POLR1B: variants seen among roughly 807,000 people sequenced by gnomAD.
POLR1B encodes the protein DNA-directed RNA polymerase I subunit RPA2.
A neutral mutation model predicts 105.8 loss-of-function variants in POLR1B; 30 were observed. The ratio of observed to expected loss-of-function variants is 0.28; its 90% CI spans 0.21 to 0.38. The LOEUF is 0.38. Ranked by LOEUF, POLR1B falls within the 10% of genes least tolerant of loss-of-function variation. The pLI is 1.00. For missense variants in POLR1B, 976 were observed against 1,435.8 expected (o/e 0.68, Z 5.17); for synonymous variants, 485 against 505.1 (o/e 0.96, Z 0.53).
chr2:112,550,357 C>T (rs924479376), intron 4 of POLR1B, among the ~76,000 whole-genome samples: 1 of 152,212 alleles, frequency 6.6e-6, no homozygotes, highest in Non-Finnish European at 1.5e-5. Context: ...AACAATTTGT[C>T]CTGATAGTTG....
intron 12 of POLR1B, among the ~76,000 whole-genome samples, chr2:112,569,103 G>A (rs564602924): frequency 6.6e-6 from 1 of 152,282 alleles, no homozygotes; most frequent in Non-Finnish European, 1.5e-5. Flanking sequence ...TTAGTTTCCT[G>A]TAATTTATGA....
At position 112,557,961 on chromosome 2, in the gene POLR1B, G is replaced by C; in HGVS notation, c.1210G>C (p.Ala404Pro). The C allele has an allele frequency of 2.1e-6, 3 of 1,413,202 alleles. No homozygotes were observed. The highest frequency in any genetic ancestry group is 2.8e-6 in the Non-Finnish European group (3 of 1,069,896). 87.5% of individuals were successfully genotyped at this position (1,413,202 alleles called of 1,614,324 possible). A position where few individuals can be genotyped will look rare whatever the true frequency, so the allele number is the denominator to read the frequency against. Residue 404 changes from alanine to proline, a missense_variant, in exon 8 of 15, where the codon GCT becomes CCT. Physicochemically the swap from Ala to Pro is conservative, Grantham distance 27 (BLOSUM62 -1). This residue lies in a region of POLR1B where 452 missense variants were observed against 616.5 expected (regional missense o/e 0.73). Coordinates refer to ENST00000263331, the MANE Select transcript of POLR1B (RefSeq NM_019014.6). ...VSIKIAFDKK[A>P]QKTSVSMNTD... ...TATTAAAATAGCTTTTGATAAGAAG[G>C]CTCAGAAGACCAGTGTTTCCATGAA...
intron 10 of POLR1B, 63 bp downstream of exon 10, chr2:112,564,562 G>A: frequency 1.2e-6 from 2 of 1,606,832 alleles, no homozygotes; most frequent in Admixed American, 3.3e-5. Flanking sequence ...TTCCTTTCTA[G>A]TTTTGGGGTT....
Position 112,572,517 on chromosome 2 carries a change from A to G in POLR1B, c.2075-45A>G, listed in dbSNP as rs766915012. On this transcript the variant is annotated intron_variant, in intron 12 of 14. Coordinates refer to ENST00000263331, the MANE Select transcript of POLR1B (RefSeq NM_019014.6). ...GTGTTGCGTATCACACCTATAATCAAGATGAAAGCAGCAGAAAATGCTAAG... is the reference window on the plus strand; with the variant it reads ...GTGTTGCGTATCACACCTATAATCAGGATGAAAGCAGCAGAAAATGCTAAG... 1.1e-5 allele frequency: 15 copies of G among 1,417,222 alleles called. No individual in the cohort carries two copies. The South Asian group carries it at 1.6e-4, about 15-fold the overall frequency. 87.8% of individuals were successfully genotyped at this position (1,417,222 alleles called of 1,614,324 possible).
At chr2:112,546,752 A>G (rs189116808) in intron 1 of POLR1B, among the ~76,000 whole-genome samples, 162 of 151,426 alleles carry the variant, frequency 1.1e-3, no homozygotes, top group Admixed American at 3.8e-3. Context: ...TTTAGTAGAG[A>G]TGGGGTTTCA....
chr2:112,552,345 T>C (rs1183279913), intron 6 of POLR1B, among the ~76,000 whole-genome samples: 1 of 152,244 alleles, frequency 6.6e-6, no homozygotes. Flanking sequence ...TTTTTCTTTC[T>C]GTACAATCCC....
At chr2:112,569,744 G>C (rs999524454) in intron 12 of POLR1B, among the ~76,000 whole-genome samples, 1 of 151,882 alleles carries the variant, frequency 6.6e-6, no homozygotes, top group African/African-American at 2.4e-5. Context: ...ATTTTTAGTA[G>C]AGACGGGGTT....
At chr2:112,543,354 T>C (rs971091665) in intron 1 of POLR1B, among the ~76,000 whole-genome samples, 2 of 130,814 alleles carry the variant, frequency 1.5e-5, no homozygotes, top group African/African-American at 5.9e-5. Context: ...GTGCTCCCTG[T>C]CGTGTTTGGG....
chr2:112,550,669 G>A, intron 4 of POLR1B, 197 bp from the exon 5 acceptor site: 1 of 592,692 alleles, frequency 1.7e-6, no homozygotes, highest in South Asian at 2.2e-5. Flanking sequence ...TTACATTAGT[G>A]TTTCTCAATC....
At position 112,576,431 on chromosome 2, in the gene POLR1B, A is replaced by G. The variant is rs1684860897; in HGVS notation, c.*702A>G. The G allele has an allele frequency of 2.0e-5, 3 of 152,242 alleles. No homozygotes were observed. The highest frequency in any genetic ancestry group is 2.0e-4 in the Admixed American group (3 of 15,284). The allele number at this position is 152,242 out of a possible 1,614,324, so 9.4% of individuals were successfully genotyped here. On this transcript the variant is annotated 3_prime_UTR_variant, in exon 15 of 15. Transcript: ENST00000263331. Reference sequence around the variant, plus strand: ...TTAAGTGCACGATATAGTATTGTTAATTCCAGGCACCATGTTGTACAACAG... The same window carrying G: ...TTAAGTGCACGATATAGTATTGTTAGTTCCAGGCACCATGTTGTACAACAG...
intron 7 of POLR1B, among the ~76,000 whole-genome samples, chr2:112,553,857 C>T (rs1172806384): frequency 6.6e-6 from 1 of 152,146 alleles, no homozygotes; most frequent in African/African-American, 2.4e-5. Context: ...TAGAACATAG[C>T]TACTGTGAGT....
chr2:112,578,258 G>C lies in POLR1B; in HGVS notation c.*2529G>C, dbSNP rs939605454. Among the ~76,000 whole-genome samples the C allele has an allele frequency of 6.6e-6, 1 of 151,558 alleles. No homozygotes were observed. The highest frequency in any genetic ancestry group is 1.5e-5 in the Non-Finnish European group (1 of 67,880). On this transcript the variant is annotated 3_prime_UTR_variant, in exon 15 of 15. Coordinates refer to ENST00000263331, the MANE Select transcript of POLR1B (RefSeq NM_019014.6). ...TCACCTGTGTAGATGGATGAAAACA[G>C]CAACATAAGCAAGATACAGAGCTGT...
chr2:112,542,188 G>A (rs1416587600), upstream of POLR1B: 1 of 1,535,744 alleles, frequency 6.5e-7, no homozygotes, highest in Non-Finnish European at 8.7e-7. Context: ...AACTGGGCGG[G>A]GAGCGGGTTT....
rs778604852 is a variant in POLR1B, at chr2:112,549,290, C to T, written c.516C>T (p.Ile172=). The change falls in exon 4 of 15, where the codon ATC becomes ATT. Residue 172 remains isoleucine (I), a synonymous_variant. Transcript: ENST00000263331. ...EAEEMGGYFI[I]NGIEKVIRML... ...AGGAAATGGGGGGCTATTTTATAAT[C>T]AATGGCATTGAAAAAGTCATCCGAA... 1 of 1,613,158 alleles carries T rather than the reference C, an allele frequency of 6.2e-7. No homozygotes were observed. Among genetic ancestry groups the T allele is most frequent in the South Asian group, 1.1e-5 (1 of 90,974 alleles).
At chr2:112,558,817 C>A (rs1473319735) in intron 8 of POLR1B, among the ~76,000 whole-genome samples, 3 of 151,636 alleles carry the variant, frequency 2.0e-5, no homozygotes, top group Non-Finnish European at 4.4e-5. Context: ...TGGGGTTTCG[C>A]TATGCTGCTG....
At chr2:112,558,773 A>C (rs13416022) in intron 8 of POLR1B, among the ~76,000 whole-genome samples, 120,970 of 151,886 alleles carry the variant, frequency 0.8, 48,402 homozygotes, top group Middle Eastern at 0.88. Flanking sequence ...CATAAGCCAC[A>C]ACACCTGGCT....
intron 10 of POLR1B, among the ~76,000 whole-genome samples, chr2:112,566,413 G>A (rs1684276167): frequency 1.3e-5 from 2 of 152,170 alleles, no homozygotes; most frequent in African/African-American, 4.8e-5. Context: ...GTTCTTTGCT[G>A]AGTTAATATT....
rs368128981 is a variant in POLR1B at position 112,545,050 on chromosome 2, CAG to C, written c.178-1959_178-1958del. On this transcript the variant is annotated intron_variant, in intron 1 of 14. Transcript: ENST00000263331. The stretch of plus-strand genomic sequence containing the variant: ...TTGTTTTAAGTTCTTAAACTATAAA[CAG>C]AGGTTGTCTTCACTATCTATTTAGT... Among the ~76,000 whole-genome samples, 396 of 152,270 alleles carry C rather than the reference CAG, an allele frequency of 2.6e-3. 1 individual carries two copies. The highest frequency in any genetic ancestry group is 9.1e-3 in the African/African-American group (380 of 41,564).
At chr2:112,550,034 T>C (rs562183136) in intron 4 of POLR1B, among the ~76,000 whole-genome samples, 8 of 152,246 alleles carry the variant, frequency 5.3e-5, no homozygotes, top group Non-Finnish European at 1.0e-4. Context: ...CATGTGTATT[T>C]TTGTTACTAC....
Sources: gnomAD v4.1 joint callset for allele counts (sites outside exome capture counted in the v4.1 genomes callset) on GRCh38, gnomAD v4.1.1 for gene constraint, gnomAD v4.1.1 regional missense constraint, MANE v1.5 for transcripts, NCBI Gene and HGNC (gene_info 2026-07-23, HGNC 2026-07-21) for gene names.